The following AFF1 variants were observed in gnomAD, a reference collection of about 807,000 sequenced individuals.
AFF1 encodes ALF transcription elongation factor 1, also known as AF4/FMR2 family member 1.
In AFF1, 48 loss-of-function variants were observed where a neutral mutation model predicts 121.7. The observed-to-expected ratio is 0.39, with a 90% CI of 0.31 to 0.50. The LOEUF (loss-of-function observed/expected upper bound fraction) is 0.50. Among genes scored for constraint, AFF1 ranks in the 20% least tolerant of loss-of-function variants. The pLI is 0.76. For missense variants in AFF1, 1,523 were observed against 1,511.7 expected, an observed-to-expected ratio of 1.01 and a Z score of -0.12; for synonymous variants, 613 against 563.0, an observed-to-expected ratio of 1.09 and a Z score of -1.26.
chr4:87,026,819 TTC>T (rs1206804839), intron 2 of AFF1, among the ~76,000 whole-genome samples: 2 of 152,220 alleles, frequency 1.3e-5, no homozygotes, highest in African/African-American at 2.4e-5. Context: ...TAAAATCTGG[TTC>T]TCTCGTATTT....
intron 2 of AFF1, among the ~76,000 whole-genome samples, chr4:86,982,491 A>G (rs1410055840): frequency 2.3e-5 from 3 of 132,440 alleles, no homozygotes; most frequent in Non-Finnish European, 4.6e-5. Flanking sequence ...GAGTGACAGT[A>G]TTCAGAGGTG....
chr4:87,079,158 G>C (rs1722936670), intron 4 of AFF1, among the ~76,000 whole-genome samples: 1 of 152,144 alleles, frequency 6.6e-6, no homozygotes. Context: ...TTCCTGGTTA[G>C]TGATAAGTAA....
chr4:86,957,843 T>G (rs1022014799), intron 2 of AFF1, among the ~76,000 whole-genome samples: 18 of 151,624 alleles, frequency 1.2e-4, no homozygotes, highest in African/African-American at 4.4e-4. Flanking sequence ...TGCCCAGCCC[T>G]GAGCCACTGC....
At chr4:87,099,838 G>T (rs1480473939) in intron 8 of AFF1, among the ~76,000 whole-genome samples, 1 of 152,248 alleles carries the variant, frequency 6.6e-6, no homozygotes. Flanking sequence ...ACAGGGTTGA[G>T]AGGAATTCTT....
intron 20 of AFF1, among the ~76,000 whole-genome samples, chr4:87,135,263 T>C (rs1729202390): frequency 2.0e-5 from 3 of 152,346 alleles, no homozygotes; most frequent in African/African-American, 7.2e-5. Flanking sequence ...TAGGGCCTTA[T>C]CTGTCTTATC....
intron 12 of AFF1, among the ~76,000 whole-genome samples, chr4:87,123,702 T>A (rs1386802802): frequency 6.6e-6 from 1 of 152,190 alleles, no homozygotes. Flanking sequence ...CTGTTTTCTA[T>A]TATTTTGTGT....
At chr4:87,116,943 G>A (rs1374455997) in intron 12 of AFF1, among the ~76,000 whole-genome samples, 2 of 152,144 alleles carry the variant, frequency 1.3e-5, no homozygotes, top group Non-Finnish European at 1.5e-5. Flanking sequence ...AAAACTTCAG[G>A]AACACACTCA....
intron 16 of AFF1, among the ~76,000 whole-genome samples, chr4:87,129,887 G>A (rs1409539097): frequency 6.6e-6 from 1 of 152,106 alleles, no homozygotes; most frequent in Non-Finnish European, 1.5e-5. Context: ...TAAGTAGCAT[G>A]ACAGCCCATA....
chr4:87,109,092 A>G (rs1397539811), intron 11 of AFF1, among the ~76,000 whole-genome samples: 1 of 152,226 alleles, frequency 6.6e-6, no homozygotes, highest in East Asian at 1.9e-4. Context: ...AAAGAAATTA[A>G]TGAAAAGGGA....
intron 13 of AFF1, 91 bp downstream of exon 13, chr4:87,125,234 A>G: frequency 2.4e-6 from 2 of 850,816 alleles, no homozygotes; most frequent in Non-Finnish European, 3.5e-6. Context: ...CTGCACTAGA[A>G]TCAGTGGATT....
intron 2 of AFF1, among the ~76,000 whole-genome samples, chr4:87,028,662 G>A (rs1362134824): frequency 6.6e-6 from 1 of 152,118 alleles, no homozygotes; most frequent in Non-Finnish European, 1.5e-5. Context: ...CTCTTGCTGA[G>A]AATTAAAGAT....
intron 11 of AFF1, 128 bp downstream of exon 11, chr4:87,108,443 C>T (rs1578264740): frequency 1.0e-6 from 1 of 1,004,984 alleles, no homozygotes; most frequent in Non-Finnish European, 1.4e-6. Flanking sequence ...CAATGCTTTC[C>T]TGCTCCTATG....
At chr4:87,010,354 A>C (rs1378133618) in intron 2 of AFF1, among the ~76,000 whole-genome samples, 2 of 152,368 alleles carry the variant, frequency 1.3e-5, no homozygotes, top group East Asian at 1.9e-4. Flanking sequence ...AAAGGTGGTC[A>C]CTGAGAAATG....
intron 2 of AFF1, among the ~76,000 whole-genome samples, chr4:87,000,592 TAAA>T: frequency 7.2e-6 from 1 of 139,254 alleles, no homozygotes; most frequent in South Asian, 2.4e-4. Flanking sequence ...AAACATTTAT[TAAA>T]AAATAAACTC....
At chr4:87,098,314 A>G (rs1237281671) in intron 8 of AFF1, among the ~76,000 whole-genome samples, 2 of 152,190 alleles carry the variant, frequency 1.3e-5, no homozygotes, top group Non-Finnish European at 2.9e-5. Flanking sequence ...TTCTGTAGGT[A>G]ACTGATTAGC....
In AFF1 at chr4:86,960,407, T is replaced by C. The variant is rs565502035; in HGVS notation, c.38+11836T>C. On this transcript the variant is annotated intron_variant, in intron 2 of 20. Coordinates refer to ENST00000395146, the MANE Select transcript of AFF1 (RefSeq NM_001166693.3). ...CTGCTCCTCTCAGGAGACTGAGGGCTCCTTTACTCCTTTTCCCACCCGACA... is the reference window on the plus strand; with the variant it reads ...CTGCTCCTCTCAGGAGACTGAGGGCCCCTTTACTCCTTTTCCCACCCGACA... Among the ~76,000 whole-genome samples the C allele has an allele frequency of 1.9e-3, 286 of 152,304 alleles. 1 individual carries two copies. The highest frequency in any genetic ancestry group is 3.4e-3 in the Middle Eastern group (1 of 294).
At chr4:86,936,541 A>G (rs1720014435) in intron 1 of AFF1, 2 of 152,204 alleles carry the variant, frequency 1.3e-5, no homozygotes. Context: ...GGGTGGGGAT[A>G]AAAGTCACGA....
intron 2 of AFF1, among the ~76,000 whole-genome samples, chr4:87,044,307 C>G (rs964121696): frequency 1.3e-5 from 2 of 152,004 alleles, no homozygotes; most frequent in Non-Finnish European, 2.9e-5. Flanking sequence ...TGTAAAAATA[C>G]GTAAGTGTAG....
At chr4:87,133,957 T>A (rs1340829558) in intron 19 of AFF1, among the ~76,000 whole-genome samples, 1 of 152,216 alleles carries the variant, frequency 6.6e-6, no homozygotes, top group Non-Finnish European at 1.5e-5. Context: ...TTGTGCTAAG[T>A]GCTAGTAATG....
Sources: gnomAD v4.1 joint callset for allele counts (sites outside exome capture counted in the v4.1 genomes callset) on GRCh38, gnomAD v4.1.1 for gene constraint, MANE v1.5 for transcripts, NCBI Gene and HGNC (gene_info 2026-07-23, HGNC 2026-07-21) for gene names.